NPAS2: variants seen among roughly 807,000 people sequenced by gnomAD.
NPAS2 encodes the protein neuronal PAS domain-containing protein 2.
A neutral mutation model predicts 107.5 loss-of-function variants in NPAS2; 23 were observed. That is an observed-to-expected ratio of 0.21 (90% CI 0.15 to 0.30). The LOEUF (loss-of-function observed/expected upper bound fraction) is 0.30. Among genes scored for constraint, NPAS2 ranks in the 10% least tolerant of loss-of-function variants. The probability of loss-of-function intolerance (pLI) is 1.00; values close to 1 mark genes in which losing one functional copy is unlikely to be tolerated. For synonymous variants in NPAS2, 403 were observed against 417.5 expected (o/e 0.97, Z 0.42); for missense variants, 756 against 1,043.3 (o/e 0.72, Z 3.79).
chr2:100,956,750 T>G (rs1241392327), intron 7 of NPAS2, among the ~76,000 whole-genome samples: 1 of 152,196 alleles, frequency 6.6e-6, no homozygotes, highest in African/African-American at 2.4e-5. Context: ...GAGAGGGCTC[T>G]GTGTGAGCCT....
chr2:100,982,127 C>A, intron 15 of NPAS2, 104 bp from the exon 16 acceptor site: 1 of 1,375,352 alleles, frequency 7.3e-7, no homozygotes, highest in Non-Finnish European at 1.0e-6. Context: ...GGAAAGACGG[C>A]TAAGGGACGG....
In NPAS2 at chr2:100,948,277, C is replaced by G; in HGVS notation, c.406C>G (p.Gln136Glu). Residue 136 changes from glutamine (Q) to glutamate (E), a missense_variant, in exon 6 of 21, where the codon CAA (glutamine) becomes GAA (glutamate). Gln to Glu is a conservative substitution (Grantham distance 29). This residue lies in a region of NPAS2 where 146 missense variants were observed against 249.6 expected (regional missense o/e 0.58). Transcript: ENST00000335681. The stretch of plus-strand genomic sequence containing the variant: ...GAATTTGTTAAATTTCCTCCCAGAA[C>G]AAGAACATTCAGAAGTTTATAAAAT... The part of the protein sequence containing the change: ...DQNLLNFLPE[Q>E]EHSEVYKILS... 6.2e-7 allele frequency: 1 copy of G among 1,613,306 alleles called. No homozygotes were observed. Among genetic ancestry groups the G allele is most frequent in the Non-Finnish European group, 8.5e-7 (1 of 1,179,700 alleles).
intron 16 of NPAS2, chr2:100,986,276 C>G (rs978871188): frequency 6.6e-6 from 1 of 152,178 alleles, no homozygotes; most frequent in Non-Finnish European, 1.5e-5. Flanking sequence ...CTGCCCATCT[C>G]GGGCCTCTGG....
At chr2:100,974,061 C>T (rs1239430446) in intron 12 of NPAS2, among the ~76,000 whole-genome samples, 1 of 152,160 alleles carries the variant, frequency 6.6e-6, no homozygotes, top group Non-Finnish European at 1.5e-5. Flanking sequence ...AGGCTGGTCT[C>T]GAACTCCTGA....
chr2:100,961,468 T>C (rs886898461), intron 7 of NPAS2, among the ~76,000 whole-genome samples: 1 of 152,006 alleles, frequency 6.6e-6, no homozygotes, highest in Admixed American at 6.6e-5. Context: ...GGGAAAGGCA[T>C]ATTGAAGAGA....
chr2:100,888,686 A>G (rs1388223516), intron 1 of NPAS2, among the ~76,000 whole-genome samples: 1 of 152,226 alleles, frequency 6.6e-6, no homozygotes, highest in Non-Finnish European at 1.5e-5. Flanking sequence ...CTAATGTACA[A>G]GAAAACCACT....
At chr2:100,827,283 C>G (rs1435407750) in intron 1 of NPAS2, among the ~76,000 whole-genome samples, 1 of 152,206 alleles carries the variant, frequency 6.6e-6, no homozygotes, top group Non-Finnish European at 1.5e-5. Context: ...GATTTACAGT[C>G]AGACAGGTTC....
At chr2:100,830,853 C>G (rs11888297) in intron 1 of NPAS2, among the ~76,000 whole-genome samples, 6,530 of 152,182 alleles carry the variant, frequency 0.043, 489 homozygotes, top group African/African-American at 0.15. Flanking sequence ...ACATAGGTCA[C>G]GGGACAAACA....
intron 1 of NPAS2, among the ~76,000 whole-genome samples, chr2:100,873,307 T>TATATATACACACACAC (rs1280164445): frequency 2.4e-5 from 1 of 41,902 alleles, no homozygotes; most frequent in Non-Finnish European, 4.5e-5. Flanking sequence ...TATATATATA[T>TATATATACACACACAC]ACACACACAC....
intron 17 of NPAS2, 34 bp from the exon 18 acceptor site, chr2:100,990,222 A>G (rs574826190): frequency 1.9e-6 from 3 of 1,605,816 alleles, no homozygotes; most frequent in South Asian, 2.2e-5. Flanking sequence ...GGTTGAGTCC[A>G]AGTCTTACCT....
chr2:100,932,924 A>T lies in NPAS2; in HGVS notation c.196A>T (p.Thr66Ser), dbSNP rs770032871. The change falls in exon 4 of 21, where the codon ACG (threonine) becomes TCG (serine). Residue 66 changes from threonine to serine, a missense_variant. By Grantham distance (58) the Thr-to-Ser change is moderately conservative. This residue lies in a region of NPAS2 where 146 missense variants were observed against 249.6 expected (regional missense o/e 0.58). Transcript: ENST00000335681. ...LQKHNEVSAQ[T>S]EICDIQQDWK... ...CTCTTTTCTAGAAGTCTCAGCGCAA[A>T]CGGAAATCTGTGACATTCAGCAAGA... 2 of 1,613,726 alleles carry T rather than the reference A, an allele frequency of 1.2e-6. No individual in the cohort carries two copies. The highest frequency in any genetic ancestry group is 2.2e-5 in the South Asian group (2 of 91,058).
At chr2:100,966,388 C>T (rs1034263504) in intron 10 of NPAS2, among the ~76,000 whole-genome samples, 6 of 152,118 alleles carry the variant, frequency 3.9e-5, no homozygotes, top group Admixed American at 2.6e-4. Flanking sequence ...ATGGGACTTA[C>T]GATGTGGGGG....
chr2:100,960,905 C>A (rs1470304778), intron 7 of NPAS2, among the ~76,000 whole-genome samples: 2 of 152,112 alleles, frequency 1.3e-5, no homozygotes, highest in African/African-American at 4.8e-5. Flanking sequence ...GAGGTGGAGA[C>A]AGAGAATGAG....
Position 100,993,495 on chromosome 2 carries a change from G to A in NPAS2, c.2260G>A (p.Ala754Thr), listed in dbSNP as rs780841096. 6.3e-7 allele frequency: 1 copy of A among 1,598,002 alleles called. No homozygotes were observed. Among genetic ancestry groups the A allele is most frequent in the East Asian group, 2.3e-5 (1 of 43,808 alleles). Residue 754 changes from alanine to threonine, a missense_variant, in exon 20 of 21, where the codon GCC becomes ACC. Physicochemically the swap from Ala to Thr is moderately conservative, Grantham distance 58. Coordinates refer to ENST00000335681, the MANE Select transcript of NPAS2 (RefSeq NM_002518.4). The stretch of plus-strand genomic sequence containing the variant: ...ACCATCGCCCCTGCAGCCTGCACAG[G>A]CCCGGCAGCAGCCACCGCAGCACTA... ...SQPSPLQPAQ[A>T]RQQPPQHYLQ...
At chr2:100,873,070 G>A (rs557099872) in intron 1 of NPAS2, among the ~76,000 whole-genome samples, 24 of 151,308 alleles carry the variant, frequency 1.6e-4, no homozygotes, top group Admixed American at 6.0e-4. Flanking sequence ...TGGGAGGCTG[G>A]GGTGGGCAGA....
intron 1 of NPAS2, among the ~76,000 whole-genome samples, chr2:100,856,519 CAG>C (rs539122933): frequency 9.6e-4 from 146 of 152,192 alleles, no homozygotes; most frequent in Non-Finnish European, 1.9e-3. Context: ...AGTAAAGACT[CAG>C]GGTAAAGAAA....
chr2:100,826,645 G>A (rs1386677741), intron 1 of NPAS2, among the ~76,000 whole-genome samples: 1 of 152,102 alleles, frequency 6.6e-6, no homozygotes, highest in Non-Finnish European at 1.5e-5. Context: ...GACTGTTACA[G>A]TTTTTGTATT....
At chr2:100,877,404 G>A (rs980697686) in intron 1 of NPAS2, among the ~76,000 whole-genome samples, 4 of 128,588 alleles carry the variant, frequency 3.1e-5, no homozygotes, top group African/African-American at 1.3e-4. Context: ...GGCGGAGCTT[G>A]CAGTGAGCCG....
At chr2:100,898,827 A>G (rs1347161039) in intron 1 of NPAS2, among the ~76,000 whole-genome samples, 1 of 151,656 alleles carries the variant, frequency 6.6e-6, no homozygotes, top group African/African-American at 2.4e-5. Flanking sequence ...AGGAAAACAC[A>G]TTGTGCATAT....
Sources: gnomAD v4.1 joint callset for allele counts (sites outside exome capture counted in the v4.1 genomes callset) on GRCh38, gnomAD v4.1.1 for gene constraint, gnomAD v4.1.1 regional missense constraint, MANE v1.5 for transcripts, NCBI Gene and HGNC (gene_info 2026-07-23, HGNC 2026-07-21) for gene names.